The following EPHB2 variants were observed in gnomAD, a reference collection of about 807,000 sequenced individuals.
The protein encoded by EPHB2 is EPH receptor B2, also known as ephrin type-B receptor 2.
In EPHB2, 18 loss-of-function variants were observed where a neutral mutation model predicts 96.4. The observed-to-expected ratio is 0.19, with a 90% CI of 0.13 to 0.28. The LOEUF is 0.28. EPHB2 is among the 10% of genes least tolerant of loss of function. EPHB2 has a pLI of 1.00. For synonymous variants in EPHB2, 506 were observed against 534.1 expected, an observed-to-expected ratio of 0.95 and a Z score of 0.72; for missense variants, 989 against 1,355.4, an observed-to-expected ratio of 0.73 and a Z score of 4.25.
intron 3 of EPHB2, among the ~76,000 whole-genome samples, chr1:22,798,199 T>A (rs1644794019): frequency 6.6e-6 from 1 of 152,100 alleles, no homozygotes; most frequent in African/African-American, 2.4e-5. Context: ...CCCACCCCAG[T>A]CTCAGACATG....
rs778749272 is a variant in EPHB2 at position 22,913,840 on chromosome 1, G to A, written c.*270G>A. 4 of 1,609,958 alleles carry A rather than the reference G, an allele frequency of 2.5e-6. No individual in the cohort carries two copies. Among genetic ancestry groups the A allele is most frequent in the South Asian group, 2.2e-5 (2 of 90,012 alleles). On this transcript the variant is annotated 3_prime_UTR_variant, in exon 16 of 16. Transcript: ENST00000374630. The surrounding 1 kb of genome is among the most constrained non-coding windows in gnomAD (Gnocchi z 4.1). ...TATTTTTTAAAGAGGATTCTCATAAGGAAAGCAATGACTGTTCTTGCGGGG... is the reference window on the plus strand; with the variant it reads ...TATTTTTTAAAGAGGATTCTCATAAAGAAAGCAATGACTGTTCTTGCGGGG...
chr1:22,882,540 AGGCTGAG>A lies in EPHB2; in HGVS notation c.1428+59_1428+65del, dbSNP rs541098047. ...CCACCTCCCTGAGGGCCCCTCTCCC[AGGCTGAG>A]GCCTGGGAGTTCTGCCCCACCGCAA... On this transcript the variant is annotated intron_variant, in intron 6 of 15. Coordinates refer to ENST00000374630, the MANE Select transcript of EPHB2 (RefSeq NM_017449.5). 206 of 1,607,928 alleles carry A rather than the reference AGGCTGAG, an allele frequency of 1.3e-4. No homozygotes were observed. In the African/African-American group the frequency reaches 2.5e-3, roughly 20 times the overall value.
chr1:22,822,330 A>T (rs1310147581), intron 3 of EPHB2, among the ~76,000 whole-genome samples: 1 of 93,502 alleles, frequency 1.1e-5, no homozygotes, highest in East Asian at 2.9e-4. Flanking sequence ...TTTTTAATTT[A>T]AAAAAAAAAG....
chr1:22,742,262 C>A (rs1412986259), intron 1 of EPHB2, among the ~76,000 whole-genome samples: 1 of 152,140 alleles, frequency 6.6e-6, no homozygotes, highest in Non-Finnish European at 1.5e-5. Context: ...TAGAAGGATG[C>A]CCAGAGTGAG....
intron 3 of EPHB2, among the ~76,000 whole-genome samples, chr1:22,857,037 G>A (rs1316090168): frequency 6.6e-6 from 1 of 152,174 alleles, no homozygotes; most frequent in Non-Finnish European, 1.5e-5. Flanking sequence ...GGATGCAGAA[G>A]TGAAAGACTC....
At chr1:22,715,302 C>T (rs575394716) in intron 1 of EPHB2, among the ~76,000 whole-genome samples, 9 of 152,110 alleles carry the variant, frequency 5.9e-5, no homozygotes, top group East Asian at 3.9e-4. Context: ...CTGGGGATAA[C>T]GAATAGACCA....
In EPHB2 at chr1:22,875,827, A is replaced by C. The variant is rs1400358826; in HGVS notation, c.1304-6532A>C. On this transcript the variant is annotated intron_variant, in intron 5 of 15. Transcript: ENST00000374630. This position sits in a 1 kb window ranked among gnomAD's most constrained non-coding sequence, Gnocchi z 4.2. ...ATGAGAAGGGGCTACTGGAGGGGAG[A>C]GGTAGTTCAGGAGGGCATCTCGGAG... Among the ~76,000 whole-genome samples the C allele has an allele frequency of 1.3e-5, 2 of 152,098 alleles. No homozygotes were observed. The highest frequency in any genetic ancestry group is 2.9e-5 in the Non-Finnish European group (2 of 68,022).
At chr1:22,736,479 A>AC (rs1360665635) in intron 1 of EPHB2, among the ~76,000 whole-genome samples, 3 of 151,852 alleles carry the variant, frequency 2.0e-5, no homozygotes, top group Admixed American at 2.0e-4. Flanking sequence ...AGCAGCCCCC[A>AC]CCCCACAGAC....
chr1:22,758,067 C>T (rs923335385), intron 1 of EPHB2, among the ~76,000 whole-genome samples: 26 of 142,690 alleles, frequency 1.8e-4, no homozygotes, highest in Non-Finnish European at 2.5e-4. Context: ...TACAGGCGCC[C>T]GCTACCACAC....
At chr1:22,817,143 C>G (rs1350721610) in intron 3 of EPHB2, among the ~76,000 whole-genome samples, 1 of 152,164 alleles carries the variant, frequency 6.6e-6, no homozygotes, top group Non-Finnish European at 1.5e-5. Flanking sequence ...ATAAATATAA[C>G]CAGGCCTGCT....
intron 3 of EPHB2, among the ~76,000 whole-genome samples, chr1:22,853,062 G>A (rs924632918): frequency 6.6e-6 from 1 of 152,338 alleles, no homozygotes; most frequent in Non-Finnish European, 1.5e-5. Flanking sequence ...ACAAGATTCC[G>A]CCTTTCGGCC....
At chr1:22,859,298 G>GT (rs1491480100) in intron 3 of EPHB2, among the ~76,000 whole-genome samples, 1 of 104,978 alleles carries the variant, frequency 9.5e-6, no homozygotes, top group Non-Finnish European at 1.8e-5. Context: ...TGGGCCTGGT[G>GT]GGGGGGGGGG....
rs1332953660 is a variant in EPHB2, at chr1:22,852,856, G to A, written c.812-10181G>A. Among the ~76,000 whole-genome samples the A allele has an allele frequency of 2.6e-5, 4 of 152,248 alleles. No homozygotes were observed. In the South Asian group the frequency reaches 6.2e-4, roughly 24 times the overall value. ...CCAGGCAGTCAGCAGGGCAGGTGCA[G>A]TGGCTGCCCTCATGGAGCTCACAGC... is the stretch of plus-strand genomic sequence containing the variant. On this transcript the variant is annotated intron_variant, in intron 3 of 15. Coordinates refer to ENST00000374630, the MANE Select transcript of EPHB2 (RefSeq NM_017449.5).
At chr1:22,773,454 T>C (rs1403206054) in intron 1 of EPHB2, among the ~76,000 whole-genome samples, 1 of 152,224 alleles carries the variant, frequency 6.6e-6, no homozygotes, top group Non-Finnish European at 1.5e-5. Flanking sequence ...GGCTGGCATC[T>C]GCTGCATGGG....
chr1:22,793,679 G>A (rs1050920136), intron 3 of EPHB2, among the ~76,000 whole-genome samples: 2 of 152,186 alleles, frequency 1.3e-5, no homozygotes, highest in African/African-American at 4.8e-5. Context: ...TGAGAGGCCT[G>A]GAGGAGGCCC....
chr1:22,913,338 C>G lies in EPHB2; in HGVS notation c.2853-124C>G. The G allele has an allele frequency of 7.6e-7, 1 of 1,308,652 alleles. No homozygotes were observed. The highest frequency in any genetic ancestry group is 1.3e-5 in the South Asian group (1 of 77,920). 81.1% of individuals were successfully genotyped at this position (1,308,652 alleles called of 1,614,324 possible). On this transcript the variant is annotated intron_variant, in intron 15 of 15. Transcript: ENST00000374630. This position sits in a 1 kb window ranked among gnomAD's most constrained non-coding sequence, Gnocchi z 4.1. ...GCTGTGGCTGCCTGCCCACTCCCCACTCCCCACTCCCCAGTACTCCTTGCT... is the reference window on the plus strand; with the variant it reads ...GCTGTGGCTGCCTGCCCACTCCCCAGTCCCCACTCCCCAGTACTCCTTGCT...
intron 3 of EPHB2, among the ~76,000 whole-genome samples, chr1:22,825,383 A>T (rs10799766): frequency 0.25 from 38,347 of 152,046 alleles, 5,414 homozygotes; most frequent in East Asian, 0.53. Context: ...GTTGGAACAC[A>T]CACTATGACA....
At position 22,913,466 on chromosome 1, in the gene EPHB2, A is replaced by T. The variant is rs1269209610; in HGVS notation, c.2857A>T (p.Ile953Phe). The T allele has an allele frequency of 6.2e-7, 1 of 1,614,154 alleles. No individual in the cohort carries two copies. The highest frequency in any genetic ancestry group is 2.2e-5 in the East Asian group (1 of 44,876). Residue 953 changes from isoleucine (I) to phenylalanine (F), a missense_variant, in exon 16 of 16, where the codon ATT becomes TTT. Physicochemically the swap from Ile to Phe is conservative, Grantham distance 21. Transcript: ENST00000374630. This position sits in a 1 kb window ranked among gnomAD's most constrained non-coding sequence, Gnocchi z 4.1. ...ACACGTGCTTCTCTCCCAAAGGGAC[A>T]TTCTCCGGGTTGGGGTCACTTTGGC... ...DVVSQMMMEDILRVGVTLAGH... is the reference protein window; with the variant it reads ...DVVSQMMMEDFLRVGVTLAGH...
At chr1:22,731,797 G>A (rs559372366) in intron 1 of EPHB2, among the ~76,000 whole-genome samples, 68 of 152,294 alleles carry the variant, frequency 4.5e-4, no homozygotes, top group African/African-American at 1.5e-3. Context: ...CCAAGATCAC[G>A]CCACTGCACC....
Sources: gnomAD v4.1 joint callset for allele counts (sites outside exome capture counted in the v4.1 genomes callset) on GRCh38, gnomAD v4.1.1 for gene constraint, Gnocchi (gnomAD v3.1) non-coding constraint, MANE v1.5 for transcripts, NCBI Gene and HGNC (gene_info 2026-07-23, HGNC 2026-07-21) for gene names.